The following TBCD variants were observed in gnomAD, a reference collection of about 807,000 sequenced individuals.
TBCD encodes tubulin-specific chaperone D.
A neutral mutation model predicts 169.3 loss-of-function variants in TBCD; 105 were observed. That is an observed-to-expected ratio of 0.62 (90% CI 0.53 to 0.73). The LOEUF (loss-of-function observed/expected upper bound fraction) is 0.73, where lower values mean the gene tolerates loss of function less well. TBCD is among the 30% of genes least tolerant of loss of function. The pLI is 0.00. For missense variants in TBCD, 1,444 were observed against 1,600.1 expected, an observed-to-expected ratio of 0.90 and a Z score of 1.66; for synonymous variants, 700 against 643.9, an observed-to-expected ratio of 1.09 and a Z score of -1.32.
chr17:82,855,993 C>CCTTTTTTTTTTTTTT (rs373747821), intron 13 of TBCD, among the ~76,000 whole-genome samples: 2 of 66,268 alleles, frequency 3.0e-5, no homozygotes, highest in African/African-American at 1.4e-4. Flanking sequence ...TCCCCCCCCA[C>CCTTTTTTTTTTTTTT]TTTTTTTTTT....
At position 82,782,296 on chromosome 17, in the gene TBCD, G is replaced by A. The variant is rs1873220847; in HGVS notation, c.771+575G>A. Reference sequence around the variant, plus strand: ...AGGTCAAGTCTCAGAAGAGGGCAAAGCCTCTTTTGGGTCAGCGTCCTGGAG... The same window carrying A: ...AGGTCAAGTCTCAGAAGAGGGCAAAACCTCTTTTGGGTCAGCGTCCTGGAG... On this transcript the variant is annotated intron_variant, in intron 7 of 38. Transcript: ENST00000355528. This position sits in a 1 kb window ranked among gnomAD's most constrained non-coding sequence, Gnocchi z 5.1. 6.6e-6 allele frequency among the ~76,000 whole-genome samples: 1 copy of A among 152,342 alleles called. No individual in the cohort carries two copies. Among genetic ancestry groups the A allele is most frequent in the South Asian group, 2.1e-4 (1 of 4,832 alleles).
At chr17:82,937,528 G>A in intron 35 of TBCD, 168 bp downstream of exon 35, 2 of 651,318 alleles carry the variant, frequency 3.1e-6, no homozygotes, top group Non-Finnish European at 5.3e-6. Flanking sequence ...TGGGAGGTGA[G>A]GCAGCCCAGG....
intron 13 of TBCD, among the ~76,000 whole-genome samples, chr17:82,824,432 C>T (rs9905750): frequency 0.42 from 63,515 of 151,834 alleles, 13,523 homozygotes; most frequent in East Asian, 0.54. Flanking sequence ...ATCCACCCAC[C>T]TTGGCCTCTC....
chr17:82,807,133 A>G (rs1273269536), intron 10 of TBCD, among the ~76,000 whole-genome samples: 1 of 152,150 alleles, frequency 6.6e-6, no homozygotes, highest in Admixed American at 6.5e-5. Flanking sequence ...CAGGGCCCTC[A>G]CCGTGTGACC....
intron 23 of TBCD, chr17:82,918,709 G>T (rs1235234463): frequency 6.6e-6 from 1 of 152,096 alleles, no homozygotes; most frequent in Non-Finnish European, 1.5e-5. Flanking sequence ...GTGCCGTTTC[G>T]TGAGAGGCTG....
At chr17:82,760,710 C>T (rs972856987) in intron 2 of TBCD, among the ~76,000 whole-genome samples, 1 of 152,194 alleles carries the variant, frequency 6.6e-6, no homozygotes, top group Non-Finnish European at 1.5e-5. Context: ...TAGTGTATTA[C>T]AGAGTTGTGT....
At chr17:82,849,648 C>T (rs1248540191) in intron 13 of TBCD, among the ~76,000 whole-genome samples, 1 of 152,220 alleles carries the variant, frequency 6.6e-6, no homozygotes. Context: ...TGAGAATCCT[C>T]GTGGTCGCCC....
chr17:82,840,888 T>TGAGGCTGCAGGGCA (rs1295068228), intron 13 of TBCD, among the ~76,000 whole-genome samples: 1 of 146,394 alleles, frequency 6.8e-6, no homozygotes, highest in Non-Finnish European at 1.5e-5. Context: ...TGGATGAGCC[T>TGAGGCTGCAGGGCA]GAGGCTGCAG....
intron 13 of TBCD, among the ~76,000 whole-genome samples, chr17:82,839,245 C>T (rs1364955242): frequency 1.3e-5 from 2 of 152,154 alleles, no homozygotes; most frequent in East Asian, 1.9e-4. Context: ...TCAGCTGTGT[C>T]TAATGTGTAT....
At chr17:82,907,627 C>T in intron 20 of TBCD, 134 bp from the exon 21 acceptor site, 3 of 909,270 alleles carry the variant, frequency 3.3e-6, no homozygotes, top group East Asian at 2.6e-5. Flanking sequence ...AAGAATGAGA[C>T]CTTGCTGAGC....
chr17:82,916,147 C>G (rs2061014724), intron 23 of TBCD, among the ~76,000 whole-genome samples: 1 of 152,194 alleles, frequency 6.6e-6, no homozygotes, highest in Admixed American at 6.5e-5. Flanking sequence ...TCTAAGAGGA[C>G]CATTTTCTCT....
At chr17:82,858,349 TGAAC>T (rs1356475057) in intron 13 of TBCD, among the ~76,000 whole-genome samples, 1 of 152,240 alleles carries the variant, frequency 6.6e-6, no homozygotes, top group Non-Finnish European at 1.5e-5. Flanking sequence ...AATCTTTTAA[TGAAC>T]ATCTTTCTAC....
intron 6 of TBCD, among the ~76,000 whole-genome samples, chr17:82,773,583 TC>T (rs1484982062): frequency 6.6e-6 from 1 of 152,034 alleles, no homozygotes; most frequent in Non-Finnish European, 1.5e-5. Flanking sequence ...GTCCATGGTC[TC>T]CCCGCGGGGC....
chr17:82,856,113 C>G (rs1025047126), intron 13 of TBCD, among the ~76,000 whole-genome samples: 5 of 142,710 alleles, frequency 3.5e-5, no homozygotes, highest in Non-Finnish European at 6.0e-5. Context: ...ATTGTGATTA[C>G]AGGCATGAGC....
At chr17:82,770,287 G>A (rs750921393) in intron 5 of TBCD, among the ~76,000 whole-genome samples, 13 of 152,190 alleles carry the variant, frequency 8.5e-5, no homozygotes, top group Non-Finnish European at 1.5e-4. Context: ...GTTTGTTCTT[G>A]TTTTGTTACG....
At chr17:82,772,958 T>C (rs1159562519) in intron 6 of TBCD, among the ~76,000 whole-genome samples, 1 of 152,186 alleles carries the variant, frequency 6.6e-6, no homozygotes, top group Non-Finnish European at 1.5e-5. Context: ...AAGGTGGTTT[T>C]CTCTGCTGAG....
Position 82,831,541 on chromosome 17 carries a change from T to C in TBCD, c.1318+16607T>C. 2.5e-6 allele frequency: 4 copies of C among 1,613,992 alleles called. No individual in the cohort carries two copies. The highest frequency in any genetic ancestry group is 2.5e-6 in the Non-Finnish European group (3 of 1,179,978). ...AGAGGGATATTGCTGGAAAAACCTG[T>C]AGTGATCGTATGTGGCTGGAGATGG... On this transcript the variant is annotated intron_variant, in intron 13 of 38. Transcript: ENST00000355528. The surrounding 1 kb of genome is among the most constrained non-coding windows in gnomAD (Gnocchi z 4.6).
chr17:82,752,190 C>A lies in TBCD; in HGVS notation c.-4C>A. 7.9e-6 allele frequency: 12 copies of A among 1,516,196 alleles called. No individual in the cohort carries two copies. Among genetic ancestry groups the A allele is most frequent in the South Asian group, 1.2e-5 (1 of 81,262 alleles). 93.9% of individuals were successfully genotyped at this position (1,516,196 alleles called of 1,614,324 possible). On this transcript the variant is annotated 5_prime_UTR_variant, in exon 1 of 39. Transcript: ENST00000355528. ...GGCGGGGGCGCGGTCCCCAGGCTGC[C>A]GAGATGGCCCTGAGCGACGAACCGG...
rs578231995 is a variant in TBCD at position 82,802,059 on chromosome 17, C to T, written c.950+1063C>T. Among the ~76,000 whole-genome samples, 9 of 151,208 alleles carry T rather than the reference C, an allele frequency of 6.0e-5. No homozygotes were observed. The South Asian group carries it at 1.3e-3, about 21-fold the overall frequency. On this transcript the variant is annotated intron_variant, in intron 9 of 38. Transcript: ENST00000355528. ...CGGTGCGGCCTCCCTGGTGTGGACG[C>T]GCTGTGGGGGAAAGCTGCATCGGAT...
Sources: gnomAD v4.1 joint callset for allele counts (sites outside exome capture counted in the v4.1 genomes callset) on GRCh38, gnomAD v4.1.1 for gene constraint, Gnocchi (gnomAD v3.1) non-coding constraint, MANE v1.5 for transcripts, NCBI Gene and HGNC (gene_info 2026-07-23, HGNC 2026-07-21) for gene names.